Variants in DSCAM observed in about 807,000 individuals in gnomAD.
The protein encoded by DSCAM is cell adhesion molecule DSCAM.
Under a neutral mutation model 217.7 loss-of-function variants are expected in DSCAM, and 47 were observed. The ratio of observed to expected loss-of-function variants is 0.22; its 90% CI spans 0.17 to 0.28. The LOEUF is 0.28. Among genes scored for constraint, DSCAM ranks in the 10% least tolerant of loss-of-function variants. The pLI, the probability that DSCAM is intolerant of heterozygous loss-of-function variation, is 1.00. For synonymous variants in DSCAM, 1,056 were observed against 1,015.3 expected (o/e 1.04, Z -0.76); for missense variants, 2,080 against 2,618.3 (o/e 0.79, Z 4.49).
At chr21:40,270,652 T>C (rs796478539) in intron 11 of DSCAM, among the ~76,000 whole-genome samples, 7 of 152,242 alleles carry the variant, frequency 4.6e-5, no homozygotes, top group African/African-American at 1.7e-4. Flanking sequence ...GAAGAGGGGC[T>C]TGGTGGGAGG....
chr21:40,330,833 T>C (rs939580882), intron 8 of DSCAM, among the ~76,000 whole-genome samples: 1 of 152,260 alleles, frequency 6.6e-6, no homozygotes, highest in Non-Finnish European at 1.5e-5. Flanking sequence ...AGAGTATAAA[T>C]TCTCATTTTA....
chr21:40,674,765 T>C lies in DSCAM; in HGVS notation c.508+18045A>G, dbSNP rs537494895. ...CTCCTGCCTCAGCCTCCCGGGTAGTTGGGACTACAGGCGCCTGCCACCACG... is the reference window on the plus strand; with the variant it reads ...CTCCTGCCTCAGCCTCCCGGGTAGTCGGGACTACAGGCGCCTGCCACCACG... On this transcript the variant is annotated intron_variant, in intron 3 of 32. Transcript: ENST00000400454. 6.6e-5 allele frequency among the ~76,000 whole-genome samples: 10 copies of C among 151,948 alleles called. No individual in the cohort carries two copies. In the East Asian group the frequency reaches 1.8e-3, roughly 27 times the overall value.
At chr21:40,807,105 TAATG>T (rs1339939670) in intron 1 of DSCAM, among the ~76,000 whole-genome samples, 2 of 91,862 alleles carry the variant, frequency 2.2e-5, no homozygotes, top group Non-Finnish European at 4.5e-5. Context: ...ACTTAAAGTA[TAATG>T]AATCAATCAA....
intron 3 of DSCAM, among the ~76,000 whole-genome samples, chr21:40,633,289 A>G (rs527463470): frequency 1.3e-5 from 2 of 152,308 alleles, no homozygotes; most frequent in East Asian, 3.9e-4. Flanking sequence ...GAATGCACAC[A>G]ACGTATAATC....
chr21:40,192,506 T>C (rs1361086448), intron 11 of DSCAM, among the ~76,000 whole-genome samples: 1 of 152,324 alleles, frequency 6.6e-6, no homozygotes, highest in Non-Finnish European at 1.5e-5. Flanking sequence ...TTCACCATGA[T>C]TGTAAGTTTC....
At chr21:40,693,997 G>A (rs1390649363) in intron 2 of DSCAM, among the ~76,000 whole-genome samples, 1 of 152,120 alleles carries the variant, frequency 6.6e-6, no homozygotes, top group African/African-American at 2.4e-5. Flanking sequence ...GGTAGCATCT[G>A]CCCCCTAGGG....
intron 1 of DSCAM, among the ~76,000 whole-genome samples, chr21:40,724,198 G>A (rs571619487): frequency 2.9e-4 from 44 of 152,154 alleles, no homozygotes; most frequent in Non-Finnish European, 2.2e-4. Flanking sequence ...AAGCTCAAAG[G>A]TTTCAAAAGG....
intron 3 of DSCAM, among the ~76,000 whole-genome samples, chr21:40,590,775 G>A (rs769878126): frequency 2.6e-5 from 4 of 152,078 alleles, no homozygotes; most frequent in Non-Finnish European, 4.4e-5. Context: ...CATTTCTCAG[G>A]TGAAGCAGCA....
intron 3 of DSCAM, among the ~76,000 whole-genome samples, chr21:40,647,703 T>C (rs2837759): frequency 0.38 from 57,908 of 152,112 alleles, 11,849 homozygotes; most frequent in East Asian, 0.6. Context: ...CTTCTAGAAC[T>C]ACATACCTTC....
chr21:40,721,983 G>C (rs2090905789), intron 1 of DSCAM, among the ~76,000 whole-genome samples: 1 of 151,932 alleles, frequency 6.6e-6, no homozygotes, highest in South Asian at 2.1e-4. Context: ...CTTCTCATCA[G>C]AAACAACGCA....
intron 3 of DSCAM, among the ~76,000 whole-genome samples, chr21:40,685,196 T>G (rs909544321): frequency 6.6e-6 from 1 of 152,234 alleles, no homozygotes; most frequent in East Asian, 1.9e-4. Context: ...AAAATGAAGA[T>G]GAGCCAACAT....
At chr21:40,145,957 T>A (rs914335485) in intron 16 of DSCAM, among the ~76,000 whole-genome samples, 1 of 127,016 alleles carries the variant, frequency 7.9e-6, no homozygotes, top group Admixed American at 8.1e-5. Context: ...TGCGTGTATG[T>A]ATACATACAC....
chr21:40,431,498 G>A (rs535702002), intron 3 of DSCAM, among the ~76,000 whole-genome samples: 78 of 151,466 alleles, frequency 5.1e-4, no homozygotes, highest in Non-Finnish European at 1.0e-3. Context: ...GATGAAGACG[G>A]AGACCTTTAT....
chr21:40,617,212 C>T (rs961061991), intron 3 of DSCAM, among the ~76,000 whole-genome samples: 4 of 149,218 alleles, frequency 2.7e-5, no homozygotes, highest in East Asian at 2.1e-4. Context: ...CAAGCTCCCC[C>T]TCCCAGGTTC....
intron 15 of DSCAM, among the ~76,000 whole-genome samples, chr21:40,172,522 C>G (rs1050461640): frequency 1.3e-5 from 2 of 152,220 alleles, no homozygotes; most frequent in African/African-American, 2.4e-5. Context: ...CTGCTTCTGT[C>G]CCTCCCCAGC....
intron 3 of DSCAM, among the ~76,000 whole-genome samples, chr21:40,494,953 A>G (rs1470031856): frequency 6.6e-6 from 1 of 152,156 alleles, no homozygotes; most frequent in African/African-American, 2.4e-5. Context: ...TAAAAAGCTA[A>G]TATGAACAGT....
chr21:40,461,062 A>G (rs569223403), intron 3 of DSCAM, among the ~76,000 whole-genome samples: 1 of 152,374 alleles, frequency 6.6e-6, no homozygotes, highest in Admixed American at 6.5e-5. Flanking sequence ...ATTCATCAAT[A>G]AAGGCTAGCT....
chr21:40,533,343 CTT>C (rs1423827228), intron 3 of DSCAM, among the ~76,000 whole-genome samples: 1 of 152,258 alleles, frequency 6.6e-6, no homozygotes, highest in East Asian at 1.9e-4. Context: ...AAAATTGTTT[CTT>C]TCTCTGATTT....
chr21:40,088,089 A>T (rs578169228), intron 21 of DSCAM, among the ~76,000 whole-genome samples: 25 of 152,302 alleles, frequency 1.6e-4, no homozygotes, highest in African/African-American at 6.0e-4. Flanking sequence ...ACATTGGGAC[A>T]TTACTTTCTG....
Sources: allele counts gnomAD v4.1 joint callset (sites outside exome capture counted in the v4.1 genomes callset), GRCh38; gene constraint gnomAD v4.1.1; transcripts MANE v1.5; gene names NCBI Gene and HGNC (gene_info 2026-07-23, HGNC 2026-07-21).